Variants in PAK5 observed in about 807,000 individuals in gnomAD.
PAK5 encodes p21 (RAC1) activated kinase 5, also known as serine/threonine-protein kinase PAK 5.
Under a neutral mutation model 65.9 loss-of-function variants are expected in PAK5, and 16 were observed. The ratio of observed to expected loss-of-function variants is 0.24; its 90% confidence interval spans 0.16 to 0.37. The LOEUF is 0.37. Among genes scored for constraint, PAK5 ranks in the 10% least tolerant of loss-of-function variants. The probability of loss-of-function intolerance (pLI) is 1.00; values close to 1 mark genes in which losing one functional copy is unlikely to be tolerated. For synonymous variants in PAK5, 371 were observed against 354.9 expected, an observed-to-expected ratio of 1.05 and a Z score of -0.51; for missense variants, 785 against 903.9, an observed-to-expected ratio of 0.87 and a Z score of 1.69.
intron 1 of PAK5, among the ~76,000 whole-genome samples, chr20:9,798,365 G>A (rs976757064): frequency 2.0e-5 from 3 of 152,128 alleles, no homozygotes; most frequent in Non-Finnish European, 2.9e-5. Flanking sequence ...GAATAAACAT[G>A]CAAACTACTG....
At chr20:9,682,153 C>A (rs534236835) in intron 2 of PAK5, among the ~76,000 whole-genome samples, 3 of 152,156 alleles carry the variant, frequency 2.0e-5, no homozygotes, top group East Asian at 1.9e-4. Flanking sequence ...GTCAGGAGAT[C>A]GAGACCATCC....
chr20:9,831,131 G>T (rs1978680154), intron 1 of PAK5, among the ~76,000 whole-genome samples: 1 of 152,220 alleles, frequency 6.6e-6, no homozygotes, highest in Non-Finnish European at 1.5e-5. Context: ...ATTCTTGGCT[G>T]GAGTCTGTTT....
intron 3 of PAK5, among the ~76,000 whole-genome samples, chr20:9,584,935 T>C (rs1274732656): frequency 6.6e-6 from 1 of 152,214 alleles, no homozygotes; most frequent in Non-Finnish European, 1.5e-5. Flanking sequence ...GGCATTTGTG[T>C]TGACAGATGT....
intron 3 of PAK5, among the ~76,000 whole-genome samples, chr20:9,635,603 C>T (rs922561318): frequency 6.6e-5 from 10 of 152,126 alleles, no homozygotes; most frequent in Admixed American, 6.5e-4. Flanking sequence ...AAGGTCTTCT[C>T]CTGGCTCCAT....
At chr20:9,699,315 G>T (rs1313265120) in intron 2 of PAK5, among the ~76,000 whole-genome samples, 1 of 152,052 alleles carries the variant, frequency 6.6e-6, no homozygotes, top group Non-Finnish European at 1.5e-5. Flanking sequence ...GCCCTAGAGA[G>T]CAGATGCCAA....
intron 1 of PAK5, among the ~76,000 whole-genome samples, chr20:9,783,350 T>C (rs2048961879): frequency 6.6e-6 from 1 of 152,174 alleles, no homozygotes; most frequent in Non-Finnish European, 1.5e-5. Context: ...ATCTATCTAT[T>C]TATCAATCAA....
At chr20:9,567,289 GCT>G (rs2045698990) in intron 4 of PAK5, among the ~76,000 whole-genome samples, 1 of 152,092 alleles carries the variant, frequency 6.6e-6, no homozygotes, top group Non-Finnish European at 1.5e-5. Context: ...TGGACTTGAG[GCT>G]CTTTCTTAAT....
intron 1 of PAK5, among the ~76,000 whole-genome samples, chr20:9,748,285 C>A (rs1225208732): frequency 1.3e-5 from 2 of 152,088 alleles, no homozygotes; most frequent in African/African-American, 2.4e-5. Context: ...AGATTCAATG[C>A]CATCCCCATC....
intron 2 of PAK5, among the ~76,000 whole-genome samples, chr20:9,666,324 T>C (rs1260087241): frequency 7.1e-6 from 1 of 140,046 alleles, no homozygotes; most frequent in East Asian, 2.2e-4. Flanking sequence ...CAAGCTGGAG[T>C]CCAGTGACAA....
intron 4 of PAK5, among the ~76,000 whole-genome samples, chr20:9,569,439 C>T (rs993287084): frequency 1.7e-4 from 26 of 152,194 alleles, no homozygotes; most frequent in East Asian, 3.9e-4. Context: ...AGGACCCCAA[C>T]GTCTAGATAC....
chr20:9,640,962 T>G (rs1055798630), intron 3 of PAK5, among the ~76,000 whole-genome samples: 4 of 152,142 alleles, frequency 2.6e-5, no homozygotes, highest in Admixed American at 6.5e-5. Flanking sequence ...AGTGTGGAAG[T>G]GGACCCCAGT....
chr20:9,699,242 A>C (rs536955598), intron 2 of PAK5, among the ~76,000 whole-genome samples: 1 of 152,222 alleles, frequency 6.6e-6, no homozygotes, highest in East Asian at 1.9e-4. Flanking sequence ...GGCTCAGTGA[A>C]TGTTTCCCCT....
intron 1 of PAK5, among the ~76,000 whole-genome samples, chr20:9,717,750 G>A (rs2048166575): frequency 6.6e-6 from 1 of 152,154 alleles, no homozygotes; most frequent in African/African-American, 2.4e-5. Flanking sequence ...CTCCCGAGTG[G>A]CTGGGATTAC....
intron 2 of PAK5, among the ~76,000 whole-genome samples, chr20:9,695,530 G>T (rs757697998): frequency 6.6e-6 from 1 of 151,958 alleles, no homozygotes; most frequent in East Asian, 1.9e-4. Flanking sequence ...ATTCTAAAAA[G>T]GGAAATGCAG....
chr20:9,779,865 T>G (rs894674344), intron 1 of PAK5, among the ~76,000 whole-genome samples: 1 of 152,034 alleles, frequency 6.6e-6, no homozygotes, highest in Non-Finnish European at 1.5e-5. Context: ...ATCATATGCT[T>G]TTTACTAATA....
intron 3 of PAK5, among the ~76,000 whole-genome samples, chr20:9,607,462 T>C (rs1342380816): frequency 1.3e-5 from 2 of 152,216 alleles, no homozygotes; most frequent in Non-Finnish European, 2.9e-5. Flanking sequence ...CTGGAGAACC[T>C]TCTTGGGACC....
At chr20:9,774,101 A>C (rs1456226001) in intron 1 of PAK5, among the ~76,000 whole-genome samples, 2 of 152,206 alleles carry the variant, frequency 1.3e-5, no homozygotes, top group Non-Finnish European at 2.9e-5. Context: ...TTACATCGCC[A>C]TGGTAAGAAA....
intron 3 of PAK5, among the ~76,000 whole-genome samples, chr20:9,625,064 C>T (rs1367029167): frequency 6.6e-6 from 1 of 152,106 alleles, no homozygotes; most frequent in Non-Finnish European, 1.5e-5. Context: ...CCACTACCAC[C>T]ACTGCCACCA....
intron 3 of PAK5, among the ~76,000 whole-genome samples, chr20:9,601,125 G>T (rs1349322798): frequency 6.6e-6 from 1 of 152,182 alleles, no homozygotes; most frequent in Non-Finnish European, 1.5e-5. Flanking sequence ...GGCCTCCTTA[G>T]TAAATGGGGC....
Sources: gnomAD v4.1 joint callset for allele counts (sites outside exome capture counted in the v4.1 genomes callset) on GRCh38, gnomAD v4.1.1 for gene constraint, MANE v1.5 for transcripts, NCBI Gene and HGNC (gene_info 2026-07-23, HGNC 2026-07-21) for gene names.